PSMF1: variants seen among roughly 807,000 people sequenced by gnomAD.
PSMF1 encodes proteasome inhibitor PI31 subunit.
PSMF1 carries 30 observed loss-of-function variants against 29.3 expected under a neutral mutation model. The observed-to-expected ratio is 1.02, with a 90% CI of 0.77 to 1.39. The LOEUF (loss-of-function observed/expected upper bound fraction) is 1.39. Ranked by LOEUF, PSMF1 falls within the 40% of genes most tolerant of loss-of-function variation. The probability of loss-of-function intolerance (pLI) is 0.00; values close to 1 mark genes in which losing one functional copy is unlikely to be tolerated. For synonymous variants in PSMF1, 134 were observed against 139.7 expected, an observed-to-expected ratio of 0.96 and a Z score of 0.29; for missense variants, 344 against 357.5, an observed-to-expected ratio of 0.96 and a Z score of 0.31.
At position 1,142,965 on chromosome 20, in the gene PSMF1, A is replaced by G. The variant is rs182583038; in HGVS notation, c.551+7659A>G. 5.3e-5 allele frequency among the ~76,000 whole-genome samples: 8 copies of G among 152,330 alleles called. No homozygotes were observed. In the East Asian group the frequency reaches 1.5e-3, roughly 29 times the overall value. On this transcript the variant is annotated intron_variant, in intron 4 of 6. Coordinates refer to ENST00000335877, the MANE Select transcript of PSMF1 (RefSeq NM_006814.5). ...AACAAAACTTGTATAAGATTTTTAT[A>G]CTGAAAACTACAAAATGCTAGTGAA...
chr20:1,165,587 C>T lies in PSMF1; in HGVS notation c.*507C>T, dbSNP rs1446382800. On this transcript the variant is annotated 3_prime_UTR_variant, in exon 7 of 7. Coordinates refer to ENST00000335877, the MANE Select transcript of PSMF1 (RefSeq NM_006814.5). Reference sequence around the variant, plus strand: ...TTTTCCTGCCCAGGGCCCATTCTTGCTTCTCAGGCACCTTCCGTTTATTAA... The same window carrying T: ...TTTTCCTGCCCAGGGCCCATTCTTGTTTCTCAGGCACCTTCCGTTTATTAA... 4 of 994,580 alleles carry T rather than the reference C, an allele frequency of 4.0e-6. No individual in the cohort carries two copies. The highest frequency in any genetic ancestry group is 4.8e-6 in the Non-Finnish European group (4 of 835,384). 61.6% of individuals were successfully genotyped at this position (994,580 alleles called of 1,614,324 possible).
At chr20:1,132,799 G>A (rs1480456552) in intron 3 of PSMF1, among the ~76,000 whole-genome samples, 3 of 151,944 alleles carry the variant, frequency 2.0e-5, no homozygotes, top group South Asian at 4.2e-4. Flanking sequence ...CCTGTACATA[G>A]CTTGTTATTT....
intron 1 of PSMF1, among the ~76,000 whole-genome samples, chr20:1,122,543 G>T (rs1407524842): frequency 2.0e-5 from 3 of 152,050 alleles, no homozygotes; most frequent in Admixed American, 1.3e-4. Context: ...CAAGTGATCT[G>T]CCTGCCTCTG....
rs1170236476 is a variant in PSMF1, at chr20:1,170,420, C to T, written c.*5340C>T. On this transcript the variant is annotated 3_prime_UTR_variant, in exon 7 of 7. Transcript: ENST00000335877. Reference sequence around the variant, plus strand: ...TTGATTTTACCCCCAGTATCCACTCCATTCCTTTGCCCCCATGGGTCACTT... The same window carrying T: ...TTGATTTTACCCCCAGTATCCACTCTATTCCTTTGCCCCCATGGGTCACTT... Among the ~76,000 whole-genome samples the T allele has an allele frequency of 6.6e-6, 1 of 152,204 alleles. No individual in the cohort carries two copies. Among genetic ancestry groups the T allele is most frequent in the Non-Finnish European group, 1.5e-5 (1 of 68,044 alleles).
At chr20:1,143,342 G>A (rs887511129) in intron 4 of PSMF1, among the ~76,000 whole-genome samples, 1 of 152,212 alleles carries the variant, frequency 6.6e-6, no homozygotes, top group African/African-American at 2.4e-5. Context: ...ACAGAACTAA[G>A]ACCAGCCAAC....
In PSMF1 at chr20:1,164,277, C is replaced by G. The variant is rs200971017; in HGVS notation, c.606-41C>G. ...CCCTCGCCTTTTCTCCAAGGGCAGTCCTTGCCACACCTGCTTACCTAACTT... is the reference window on the plus strand; with the variant it reads ...CCCTCGCCTTTTCTCCAAGGGCAGTGCTTGCCACACCTGCTTACCTAACTT... On this transcript the variant is annotated intron_variant, in intron 5 of 6. Coordinates refer to ENST00000335877, the MANE Select transcript of PSMF1 (RefSeq NM_006814.5). This position sits in a 1 kb window ranked among gnomAD's most constrained non-coding sequence, Gnocchi z 4.1. 1.1e-5 allele frequency: 17 copies of G among 1,574,018 alleles called. No individual in the cohort carries two copies. The highest frequency in any genetic ancestry group is 3.3e-4 in the Middle Eastern group (2 of 5,984).
At chr20:1,124,440 G>A (rs1163113288) in intron 1 of PSMF1, among the ~76,000 whole-genome samples, 1 of 151,936 alleles carries the variant, frequency 6.6e-6, no homozygotes, top group Non-Finnish European at 1.5e-5. Flanking sequence ...ACTACACGGA[G>A]CAACAGGAGC....
intron 2 of PSMF1, among the ~76,000 whole-genome samples, chr20:1,127,142 C>G (rs1447298558): frequency 6.6e-6 from 1 of 152,202 alleles, no homozygotes; most frequent in Non-Finnish European, 1.5e-5. Context: ...ACCTGCAGAT[C>G]AAAGTTGATG....
chr20:1,151,865 G>A (rs78215051), intron 4 of PSMF1, among the ~76,000 whole-genome samples: 2,560 of 152,256 alleles, frequency 0.017, 23 homozygotes, highest in Non-Finnish European at 0.024. Context: ...CAGAGGGAAC[G>A]ATGGGTACCA....
At chr20:1,114,546 G>T (rs2085997468), upstream of PSMF1, among the ~76,000 whole-genome samples, 1 of 135,548 alleles carries the variant, frequency 7.4e-6, no homozygotes, top group Non-Finnish European at 1.6e-5. Context: ...CCTGTAAGAT[G>T]CCAGCTACAA....
At chr20:1,123,985 A>G (rs762496007) in intron 1 of PSMF1, among the ~76,000 whole-genome samples, 3 of 152,220 alleles carry the variant, frequency 2.0e-5, no homozygotes, top group Middle Eastern at 3.2e-3. Context: ...TTTCTTGTTC[A>G]TATCTTTTGC....
chr20:1,118,637 A>C lies in PSMF1; in HGVS notation c.-137A>C. The C allele has an allele frequency of 9.2e-7, 1 of 1,090,588 alleles. No homozygotes were observed. The allele number at this position is 1,090,588 out of a possible 1,614,324, so 67.6% of individuals were successfully genotyped here. On this transcript the variant is annotated 5_prime_UTR_variant, in exon 1 of 7. Transcript: ENST00000335877. ...CCCCGCCCCGTCCCCGGGCGTCTCC[A>C]TTTTGGTCTCAGGTGTGGACTCGGC...
chr20:1,153,082 CCAA>C (rs1356794642), intron 4 of PSMF1, among the ~76,000 whole-genome samples: 3 of 152,162 alleles, frequency 2.0e-5, no homozygotes, highest in African/African-American at 7.2e-5. Context: ...CCTATCCTTA[CCAA>C]TGCTGGAGTC....
At chr20:1,141,679 A>G (rs1016808627) in intron 4 of PSMF1, among the ~76,000 whole-genome samples, 5 of 152,222 alleles carry the variant, frequency 3.3e-5, no homozygotes, top group African/African-American at 1.2e-4. Context: ...TAGCCCGCAC[A>G]TTAAAACAAG....
chr20:1,139,556 T>G (rs182813772), intron 4 of PSMF1, among the ~76,000 whole-genome samples: 1 of 152,146 alleles, frequency 6.6e-6, no homozygotes, highest in East Asian at 1.9e-4. Context: ...ATATCCTGGC[T>G]AACACGGTGA....
At position 1,118,739 on chromosome 20, in the gene PSMF1, C is replaced by T. The variant is rs762575282; in HGVS notation, c.-35C>T. 2 of 1,602,430 alleles carry T rather than the reference C, an allele frequency of 1.2e-6. No individual in the cohort carries two copies. Among genetic ancestry groups the T allele is most frequent in the Non-Finnish European group, 1.7e-6 (2 of 1,173,576 alleles). ...CGGCTCACTGCACTACCCCCGCCCC[C>T]TTCTTTCCTCCAGACGCCGAAGTCG... On this transcript the variant is annotated 5_prime_UTR_variant, in exon 1 of 7. Transcript: ENST00000335877.
chr20:1,164,253 C>T lies in PSMF1; in HGVS notation c.606-65C>T. 2 of 1,493,438 alleles carry T rather than the reference C, an allele frequency of 1.3e-6. No individual in the cohort carries two copies. The highest frequency in any genetic ancestry group is 1.1e-5 in the South Asian group (1 of 88,014). 92.5% of individuals were successfully genotyped at this position (1,493,438 alleles called of 1,614,324 possible). ...GCCATTCTTGGTGCATTGTAACCTC[C>T]CTCGCCTTTTCTCCAAGGGCAGTCC... is the stretch of plus-strand genomic sequence containing the variant. On this transcript the variant is annotated intron_variant, in intron 5 of 6. Transcript: ENST00000335877. This position sits in a 1 kb window ranked among gnomAD's most constrained non-coding sequence, Gnocchi z 4.1.
upstream of PSMF1, among the ~76,000 whole-genome samples, chr20:1,116,997 C>T (rs1485411525): frequency 6.6e-6 from 1 of 152,170 alleles, no homozygotes; most frequent in African/African-American, 2.4e-5. Context: ...GAAGCTACTG[C>T]AATAGTCTAA....
At chr20:1,138,523 A>G (rs2086338081) in intron 4 of PSMF1, among the ~76,000 whole-genome samples, 2 of 151,352 alleles carry the variant, frequency 1.3e-5, no homozygotes, top group Non-Finnish European at 2.9e-5. Flanking sequence ...CATCTCAAAA[A>G]AAAAAAAAAA....
Sources: allele counts gnomAD v4.1 joint callset (sites outside exome capture counted in the v4.1 genomes callset), GRCh38; gene constraint gnomAD v4.1.1; non-coding constraint Gnocchi (gnomAD v3.1); transcripts MANE v1.5; gene names NCBI Gene and HGNC (gene_info 2026-07-23, HGNC 2026-07-21).